The following ZFYVE26 variants were observed in gnomAD, a reference collection of about 807,000 sequenced individuals.
ZFYVE26 encodes zinc finger FYVE-type containing 26.
Under a neutral mutation model 276.5 loss-of-function variants are expected in ZFYVE26, and 181 were observed. That is an observed-to-expected ratio of 0.65 (90% CI 0.58 to 0.74). The LOEUF (loss-of-function observed/expected upper bound fraction) is 0.74, where lower values mean the gene tolerates loss of function less well. ZFYVE26 is among the 30% of genes least tolerant of loss of function. ZFYVE26 has a pLI of 0.00. For synonymous variants in ZFYVE26, 1,129 were observed against 1,203.1 expected, an observed-to-expected ratio of 0.94 and a Z score of 1.27; for missense variants, 2,821 against 3,097.9, an observed-to-expected ratio of 0.91 and a Z score of 2.12.
intron 2 of ZFYVE26, among the ~76,000 whole-genome samples, chr14:67,814,835 A>G (rs1437581353): frequency 1.3e-5 from 2 of 152,228 alleles, no homozygotes; most frequent in East Asian, 3.8e-4. Context: ...AAATTAAAGG[A>G]GAAAAAGAAA....
Position 67,748,011 on chromosome 14 carries a change from C to A in ZFYVE26, c.*425G>T, listed in dbSNP as rs990269834. 4.1e-5 allele frequency: 9 copies of A among 222,138 alleles called. No individual in the cohort carries two copies. Among genetic ancestry groups the A allele is most frequent in the Admixed American group, 2.6e-4 (5 of 19,252 alleles). The allele number at this position is 222,138 out of a possible 1,614,324, so 13.8% of individuals were successfully genotyped here. ...GCACGTCCACAGAGGGGGGACTATA[C>A]AAACAGGACAACCCGGGTCAAGAAC... On this transcript the variant is annotated 3_prime_UTR_variant, in exon 42 of 42. Transcript: ENST00000347230.
intron 12 of ZFYVE26, 156 bp downstream of exon 12, chr14:67,797,516 T>C (rs762273818): frequency 1.2e-6 from 1 of 803,224 alleles, no homozygotes; most frequent in Non-Finnish European, 2.1e-6. Context: ...AAAGGATACA[T>C]AGGAAACTAT....
rs1594930237 is a variant in ZFYVE26 at position 67,798,203 on chromosome 14, C to T, written c.2059G>A (p.Ala687Thr). The part of the protein sequence containing the change: ...GFLADEFAIG[A>T]FLRLLQEQLD... ...TGCTCTTGGAGAAGCCTGAGGAAGGCCCCTATTGCAAATTCATCAGCCAGA... is the reference window on the plus strand; with the variant it reads ...TGCTCTTGGAGAAGCCTGAGGAAGGTCCCTATTGCAAATTCATCAGCCAGA... The change falls in exon 11 of 42, where the codon GCC becomes ACC. Residue 687 changes from alanine (A) to threonine (T), a missense_variant. Physicochemically the swap from Ala to Thr is moderately conservative, Grantham distance 58. Transcript: ENST00000347230. The T allele has an allele frequency of 1.2e-6, 2 of 1,614,166 alleles. No individual in the cohort carries two copies. The highest frequency in any genetic ancestry group is 2.2e-5 in the East Asian group (1 of 44,888).
In ZFYVE26 at chr14:67,806,419, A is replaced by T; in HGVS notation, c.1017+126T>A. ...CCCATGGGACTGTGGGAGGGACAAA[A>T]CCAAATGACTCAACACTAATTAGAC... On this transcript the variant is annotated intron_variant, in intron 6 of 41. Coordinates refer to ENST00000347230, the MANE Select transcript of ZFYVE26 (RefSeq NM_015346.4). 4 of 1,266,102 alleles carry T rather than the reference A, an allele frequency of 3.2e-6. No homozygotes were observed. In the South Asian group the frequency reaches 5.0e-5, roughly 16 times the overall value. 78.4% of individuals were successfully genotyped at this position (1,266,102 alleles called of 1,614,324 possible).
exon 14 of ZFYVE26, chr14:67,729,343 G>T: frequency 6.3e-7 from 1 of 1,598,758 alleles, no homozygotes. Flanking sequence ...CTGCGCCCTG[G>T]CTGAGGGCCT....
intron 13 of ZFYVE26, among the ~76,000 whole-genome samples, chr14:67,737,348 C>T (rs1034861155): frequency 3.9e-5 from 6 of 151,986 alleles, no homozygotes; most frequent in Non-Finnish European, 8.8e-5. Context: ...TCCACATGGC[C>T]GGGGAGGCCT....
intron 27 of ZFYVE26, among the ~76,000 whole-genome samples, chr14:67,772,890 G>A (rs1405179665): frequency 1.3e-5 from 2 of 152,112 alleles, no homozygotes; most frequent in Admixed American, 6.5e-5. Context: ...GAGCCCAGGA[G>A]TTCAAGGTTA....
intron 25 of ZFYVE26, among the ~76,000 whole-genome samples, chr14:67,776,677 G>A (rs1370249901): frequency 2.0e-5 from 3 of 152,190 alleles, no homozygotes; most frequent in Non-Finnish European, 2.9e-5. Flanking sequence ...ACAGGTAAAC[G>A]ATGAATCTAA....
chr14:67,795,718 T>A (rs2039938456), intron 12 of ZFYVE26, among the ~76,000 whole-genome samples: 1 of 152,138 alleles, frequency 6.6e-6, no homozygotes, highest in Non-Finnish European at 1.5e-5. Flanking sequence ...TGCGCCTATA[T>A]TAACTTCTCT....
In ZFYVE26 at chr14:67,746,900, G is replaced by T. The variant is rs1447118953; in HGVS notation, c.*1536C>A. 6.6e-6 allele frequency: 1 copy of T among 152,620 alleles called. No individual in the cohort carries two copies. The highest frequency in any genetic ancestry group is 1.5e-5 in the Non-Finnish European group (1 of 68,040). 9.5% of individuals were successfully genotyped at this position (152,620 alleles called of 1,614,324 possible). ...AAAAGCCAAACTTTAGCCCAAATGGGTCTAGTAGTTTCATTACAGTCTTTC... is the reference window on the plus strand; with the variant it reads ...AAAAGCCAAACTTTAGCCCAAATGGTTCTAGTAGTTTCATTACAGTCTTTC... On this transcript the variant is annotated 3_prime_UTR_variant, in exon 42 of 42. Transcript: ENST00000347230.
intron 3 of ZFYVE26, among the ~76,000 whole-genome samples, chr14:67,810,871 T>A (rs1566900166): frequency 6.6e-6 from 1 of 151,926 alleles, no homozygotes; most frequent in African/African-American, 2.4e-5. Flanking sequence ...TGTGTGTGTG[T>A]GAGAGTGTGT....
chr14:67,777,993 A>G, intron 24 of ZFYVE26, 133 bp downstream of exon 24: 1 of 1,408,180 alleles, frequency 7.1e-7, no homozygotes, highest in Non-Finnish European at 9.9e-7. Context: ...CAAGATGACT[A>G]TAACCAGCTC....
Position 67,762,243 on chromosome 14 carries a change from A to C in ZFYVE26, c.6329T>G (p.Val2110Gly). 6.2e-7 allele frequency: 1 copy of C among 1,614,122 alleles called. No individual in the cohort carries two copies. Among genetic ancestry groups the C allele is most frequent in the Non-Finnish European group, 8.5e-7 (1 of 1,180,022 alleles). Residue 2110 changes from valine (V) to glycine (G), a missense_variant, in exon 34 of 42, where the codon GTT becomes GGT. Val to Gly is a moderately radical substitution (Grantham distance 109). Transcript: ENST00000347230. The stretch of plus-strand genomic sequence containing the variant: ...CCTCACTGTGGACTCTAGGTACTCA[A>C]CCACATCCTGCACCAGCCTTGAGCC... ...NHGSRLVQDV[V>G]EYLESTVRPF...
At chr14:67,815,491 G>A in intron 2 of ZFYVE26, 1 of 486,724 alleles carries the variant, frequency 2.1e-6, no homozygotes, top group Non-Finnish European at 3.7e-6. Context: ...TTTCAATGCA[G>A]TTCCACCATC....
rs777339976 is a variant in ZFYVE26, at chr14:67,752,370, C to A, written c.7345G>T (p.Glu2449Ter). 1.2e-6 allele frequency: 2 copies of A among 1,612,084 alleles called. No homozygotes were observed. The highest frequency in any genetic ancestry group is 1.7e-6 in the Non-Finnish European group (2 of 1,179,174). ...TGGGGCGGAATTCTCTTGAACGCTTCCAGGCAGTTGAGGAGGATGGTGTCC... is the reference window on the plus strand; with the variant it reads ...TGGGGCGGAATTCTCTTGAACGCTTACAGGCAGTTGAGGAGGATGGTGTCC... ...DGDTILLNCLEAFKRIPPQEL... is the reference protein window; with the variant it reads ...DGDTILLNCL The change falls in exon 40 of 42, where the codon GAA becomes TAA. Residue 2449 changes from glutamate to a stop codon, truncating the protein, a stop_gained. Coordinates refer to ENST00000347230, the MANE Select transcript of ZFYVE26 (RefSeq NM_015346.4). LOFTEE classifies it high-confidence loss of function.
Position 67,749,510 on chromosome 14 carries a change from G to A in ZFYVE26, c.7417-871C>T, listed in dbSNP as rs140341573. ...GTTAAACAGTGCTCTAGGCTGGTGA[G>A]CAGAGAGGCCTTCATAAGCTGCCAC... On this transcript the variant is annotated intron_variant, in intron 41 of 41. Transcript: ENST00000347230. Among the ~76,000 whole-genome samples, 10 of 152,262 alleles carry A rather than the reference G, an allele frequency of 6.6e-5. No homozygotes were observed. The East Asian group carries it at 1.9e-3, about 29-fold the overall frequency.
chr14:67,798,939 C>A (rs1257417965), intron 10 of ZFYVE26: 4 of 1,114,768 alleles, frequency 3.6e-6, no homozygotes, highest in Non-Finnish European at 5.4e-6. Context: ...CGCCTCTGAT[C>A]TTTATTTCTC....
intron 10 of ZFYVE26, 126 bp downstream of exon 10, chr14:67,801,953 C>T (rs1282006836): frequency 6.7e-6 from 7 of 1,043,016 alleles, no homozygotes; most frequent in Non-Finnish European, 9.0e-6. Context: ...TGAAACTATC[C>T]CTGGGTGAAA....
Position 67,772,087 on chromosome 14 carries a change from T to C in ZFYVE26, c.5444A>G (p.Glu1815Gly), listed in dbSNP as rs1226082535. ...CCTGCAGCAGACCATGCAGATACTC[T>C]CAGTCTCATCCGGTACCCACTGGTG... Reference protein sequence around the residue: ...ARHQWVPDETESICMVCCREH... With the variant: ...ARHQWVPDETGSICMVCCREH... The change falls in exon 28 of 42, where the codon GAG becomes GGG. Residue 1815 changes from glutamate to glycine, a missense_variant. Transcript: ENST00000347230. 1 of 1,612,154 alleles carries C rather than the reference T, an allele frequency of 6.2e-7. No homozygotes were observed.
Sources: gnomAD v4.1 joint callset for allele counts (sites outside exome capture counted in the v4.1 genomes callset) on GRCh38, gnomAD v4.1.1 for gene constraint, MANE v1.5 for transcripts, NCBI Gene and HGNC (gene_info 2026-07-23, HGNC 2026-07-21) for gene names.